Variants in ADAM32 observed in about 807,000 individuals in gnomAD.
ADAM32 encodes the protein disintegrin and metalloproteinase domain-containing protein 32.
In ADAM32, 89 loss-of-function variants were observed where a neutral mutation model predicts 114.9. That is an observed-to-expected ratio of 0.77 (90% CI 0.65 to 0.92). The LOEUF is 0.92. ADAM32 is among the 40% of genes least tolerant of loss of function. ADAM32 has a pLI of 0.00. For missense variants in ADAM32, 870 were observed against 932.8 expected (o/e 0.93, Z 0.88); for synonymous variants, 285 against 307.5 (o/e 0.93, Z 0.77).
At chr8:39,150,273 T>C (rs1803743930) in intron 5 of ADAM32, among the ~76,000 whole-genome samples, 1 of 152,128 alleles carries the variant, frequency 6.6e-6, no homozygotes, top group Non-Finnish European at 1.5e-5. Context: ...GCTGCTTTTG[T>C]AACTATAAAA....
intron 12 of ADAM32, among the ~76,000 whole-genome samples, chr8:39,214,879 AG>A (rs1808459735): frequency 6.6e-6 from 1 of 151,924 alleles, no homozygotes; most frequent in African/African-American, 2.4e-5. Flanking sequence ...GGTGAGAGGG[AG>A]GGGTCTAGTT....
At position 39,136,682 on chromosome 8, in the gene ADAM32, T is replaced by C. The variant is rs765162076; in HGVS notation, c.164T>C (p.Ile55Thr). The C allele has an allele frequency of 6.5e-7, 1 of 1,544,566 alleles. No individual in the cohort carries two copies. The highest frequency in any genetic ancestry group is 8.7e-7 in the Non-Finnish European group (1 of 1,144,734). ...GAACAAATATCCTATATTATTCCAA[T>C]AGATGAGAAACTGTACACTGTGCAC... Reference protein sequence around the residue: ...EYEQISYIIPIDEKLYTVHLK... With the variant: ...EYEQISYIIPTDEKLYTVHLK... Residue 55 changes from isoleucine (I) to threonine (T), a missense_variant, in exon 3 of 25, where the codon ATA (isoleucine) becomes ACA (threonine). Ile to Thr is a moderately conservative substitution (Grantham distance 89). Coordinates refer to ENST00000379907, the MANE Select transcript of ADAM32 (RefSeq NM_145004.7).
chr8:39,262,382 C>A (rs1812091726), intron 19 of ADAM32, among the ~76,000 whole-genome samples: 1 of 152,114 alleles, frequency 6.6e-6, no homozygotes, highest in Non-Finnish European at 1.5e-5. Context: ...TTTCTGTGTA[C>A]TCTATTCTGT....
rs190413784 is a variant in ADAM32 at position 39,149,093 on chromosome 8, A to C, written c.277-698A>C. On this transcript the variant is annotated intron_variant, in intron 4 of 24. Transcript: ENST00000379907. ...AGGTCATACTAACCACGTTGTCCAA[A>C]CCTTCTGTAGATTCTGAACACTTGA... Among the ~76,000 whole-genome samples the C allele has an allele frequency of 5.5e-3, 845 of 152,282 alleles. 10 individuals carry two copies. Among genetic ancestry groups the C allele is most frequent in the African/African-American group, 0.018 (769 of 41,576 alleles).
At chr8:39,126,450 A>T (rs1473427917) in intron 2 of ADAM32, among the ~76,000 whole-genome samples, 1 of 152,038 alleles carries the variant, frequency 6.6e-6, no homozygotes, top group African/African-American at 2.4e-5. Flanking sequence ...TGTGAATGGG[A>T]GTTAATTGAT....
intron 11 of ADAM32, among the ~76,000 whole-genome samples, chr8:39,207,345 C>T (rs1268199676): frequency 2.0e-5 from 3 of 152,098 alleles, no homozygotes; most frequent in Non-Finnish European, 2.9e-5. Context: ...CCTGATATAT[C>T]ATTTTGATAA....
At chr8:39,279,096 G>C (rs1564744528) in intron 22 of ADAM32, among the ~76,000 whole-genome samples, 1 of 152,044 alleles carries the variant, frequency 6.6e-6, no homozygotes, top group African/African-American at 2.4e-5. Flanking sequence ...TGTTCTGATA[G>C]AATTTGTTTT....
intron 14 of ADAM32, among the ~76,000 whole-genome samples, chr8:39,226,792 A>C (rs1809400703): frequency 6.6e-6 from 1 of 152,214 alleles, no homozygotes; most frequent in African/African-American, 2.4e-5. Flanking sequence ...ATGTAAACAA[A>C]AAGACTAATA....
intron 9 of ADAM32, chr8:39,168,801 C>T (rs1805013836): frequency 6.6e-6 from 1 of 152,040 alleles, no homozygotes; most frequent in African/African-American, 2.4e-5. Flanking sequence ...ATCTTGACAA[C>T]TGATTTGATG....
chr8:39,190,316 C>A (rs1269286542), intron 11 of ADAM32, among the ~76,000 whole-genome samples: 1 of 152,160 alleles, frequency 6.6e-6, no homozygotes, highest in African/African-American at 2.4e-5. Flanking sequence ...TAGGTTTATT[C>A]CATGTTTTGG....
At position 39,278,257 on chromosome 8, in the gene ADAM32, T is replaced by C. The variant is rs80213603; in HGVS notation, c.2279+2391T>C. Among the ~76,000 whole-genome samples the C allele has an allele frequency of 1.2e-3, 179 of 152,196 alleles. 5 individuals are homozygous for C. The East Asian group carries it at 0.026, about 22-fold the overall frequency. ...GCCTCTCGTCTCTGCCAACTGAGTCTGGGGTCTTTATAGGCACAGAATGGG... is the reference window on the plus strand; with the variant it reads ...GCCTCTCGTCTCTGCCAACTGAGTCCGGGGTCTTTATAGGCACAGAATGGG... On this transcript the variant is annotated intron_variant, in intron 22 of 24. Coordinates refer to ENST00000379907, the MANE Select transcript of ADAM32 (RefSeq NM_145004.7).
intron 10 of ADAM32, among the ~76,000 whole-genome samples, chr8:39,185,088 A>G (rs951641691): frequency 6.6e-6 from 1 of 152,086 alleles, no homozygotes; most frequent in African/African-American, 2.4e-5. Flanking sequence ...AACATGGCAA[A>G]ACCCAGTCTG....
chr8:39,118,134 C>A lies in ADAM32; in HGVS notation c.107C>A (p.Thr36Lys). Reference sequence around the variant, plus strand: ...ATCGTAATTCCAGAGAAAATCCAAACAAATACAAATGACAGTTCAGAAATA... The same window carrying A: ...ATCGTAATTCCAGAGAAAATCCAAAAAAATACAAATGACAGTTCAGAAATA... Reference protein sequence around the residue: ...LQIVIPEKIQTNTNDSSEIEY... With the variant: ...LQIVIPEKIQKNTNDSSEIEY... Residue 36 changes from threonine (T) to lysine (K), a missense_variant, in exon 2 of 25, where the codon ACA (threonine) becomes AAA (lysine). Thr to Lys is a moderately conservative substitution (Grantham distance 78, BLOSUM62 -1). Coordinates refer to ENST00000379907, the MANE Select transcript of ADAM32 (RefSeq NM_145004.7). 3 of 1,483,670 alleles carry A rather than the reference C, an allele frequency of 2.0e-6. No homozygotes were observed. The highest frequency in any genetic ancestry group is 1.8e-6 in the Non-Finnish European group (2 of 1,113,382). The allele number at this position is 1,483,670 out of a possible 1,614,324, so 91.9% of individuals were successfully genotyped here. A position where few individuals can be genotyped will look rare whatever the true frequency, so the allele number is the denominator to read the frequency against.
chr8:39,119,265 T>C (rs1840501095), intron 2 of ADAM32, among the ~76,000 whole-genome samples: 1 of 152,212 alleles, frequency 6.6e-6, no homozygotes, highest in African/African-American at 2.4e-5. Flanking sequence ...TAAGTTTGTG[T>C]TTAACATTTT....
At chr8:39,232,189 A>G in intron 15 of ADAM32, 54 bp downstream of exon 15, 1 of 1,433,050 alleles carries the variant, frequency 7.0e-7, no homozygotes, top group Non-Finnish European at 9.6e-7. Flanking sequence ...AGATTTTTAA[A>G]AACTTTGCCC....
At chr8:39,241,427 A>T (rs1037090341) in intron 16 of ADAM32, among the ~76,000 whole-genome samples, 4 of 152,166 alleles carry the variant, frequency 2.6e-5, no homozygotes, top group Non-Finnish European at 4.4e-5. Flanking sequence ...TCCCTTCCAC[A>T]CTGCTCTAGC....
intron 12 of ADAM32, among the ~76,000 whole-genome samples, chr8:39,212,898 C>T (rs1172236701): frequency 4.6e-5 from 7 of 152,276 alleles, no homozygotes; most frequent in Admixed American, 6.5e-5. Flanking sequence ...CATATCTGCA[C>T]TAGAATTTGT....
chr8:39,248,580 G>T (rs1348164737), intron 17 of ADAM32, among the ~76,000 whole-genome samples: 1 of 152,054 alleles, frequency 6.6e-6, no homozygotes, highest in Non-Finnish European at 1.5e-5. Context: ...AGTTCCAAGG[G>T]TTCTTCAATT....
At chr8:39,245,650 C>A (rs548557551) in intron 16 of ADAM32, among the ~76,000 whole-genome samples, 17 of 152,198 alleles carry the variant, frequency 1.1e-4, no homozygotes, top group Middle Eastern at 3.4e-3. Flanking sequence ...ACCAACCCTG[C>A]AGACACCTTG....
Sources: allele counts gnomAD v4.1 joint callset (sites outside exome capture counted in the v4.1 genomes callset), GRCh38; gene constraint gnomAD v4.1.1; transcripts MANE v1.5; gene names NCBI Gene and HGNC (gene_info 2026-07-23, HGNC 2026-07-21).